MTOR: variants seen among roughly 807,000 people sequenced by gnomAD.
MTOR encodes mechanistic target of rapamycin kinase.
A neutral mutation model predicts 319.8 loss-of-function variants in MTOR; 70 were observed. The ratio of observed to expected loss-of-function variants is 0.22; its 90% confidence interval spans 0.18 to 0.27. The LOEUF is 0.27. Among genes scored for constraint, MTOR ranks in the 10% least tolerant of loss-of-function variants. MTOR has a pLI of 1.00. For synonymous variants in MTOR, 1,183 were observed against 1,211.4 expected (o/e 0.98, Z 0.49); for missense variants, 1,890 against 3,274.4 (o/e 0.58, Z 10.32).
At chr1:11,226,247 C>T (rs1356861132) in intron 19 of MTOR, 1 of 152,022 alleles carries the variant, frequency 6.6e-6, no homozygotes, top group East Asian at 1.9e-4. Flanking sequence ...CTTTATAAAG[C>T]TATCTAGTGC....
At position 11,243,104 on chromosome 1, in the gene MTOR, A is replaced by G. The variant is rs759660864; in HGVS notation, c.1412+10T>C. The G allele has an allele frequency of 6.2e-7, 1 of 1,613,806 alleles. No individual in the cohort carries two copies. Among genetic ancestry groups the G allele is most frequent in the South Asian group, 1.1e-5 (1 of 91,046 alleles). ...GGAGTGGAAGGTGAAATCATAACAG[A>G]GGTGCTTACTTATGGGCGAAGTCCT... On this transcript the variant is annotated intron_variant, in intron 9 of 57. Coordinates refer to ENST00000361445, the MANE Select transcript of MTOR (RefSeq NM_004958.4).
In MTOR at chr1:11,113,004, T is replaced by C. The variant is rs1451507042; in HGVS notation, c.7301-87A>G. On this transcript the variant is annotated intron_variant, in intron 53 of 57. Coordinates refer to ENST00000361445, the MANE Select transcript of MTOR (RefSeq NM_004958.4). ...TTATTTTCTTCCAGTCATAAAAATA[T>C]AATTGTTCGTAAAGCTATAGCCCCA... 6 of 1,373,802 alleles carry C rather than the reference T, an allele frequency of 4.4e-6. No homozygotes were observed. The South Asian group carries it at 4.8e-5, about 11-fold the overall frequency. 85.1% of individuals were successfully genotyped at this position (1,373,802 alleles called of 1,614,324 possible).
At chr1:11,232,349 G>T in intron 16 of MTOR, 87 bp downstream of exon 16, 1 of 918,882 alleles carries the variant, frequency 1.1e-6, no homozygotes, top group Non-Finnish European at 1.7e-6. Context: ...CTAGGCACTG[G>T]GTGAGGACAC....
chr1:11,228,711 G>A lies in MTOR; in HGVS notation c.2987C>T (p.Thr996Met), dbSNP rs376436307. 10 of 1,614,020 alleles carry A rather than the reference G, an allele frequency of 6.2e-6. No individual in the cohort carries two copies. Among genetic ancestry groups the A allele is most frequent in the East Asian group, 2.2e-5 (1 of 44,892 alleles). Residue 996 changes from threonine (T) to methionine (M), a missense_variant, in exon 19 of 58, where the codon ACG becomes ATG. Around this residue, in one of 15 missense-constraint regions of MTOR, gnomAD observed 377 missense variants for 653.9 expected, o/e 0.58. Coordinates refer to ENST00000361445, the MANE Select transcript of MTOR (RefSeq NM_004958.4). ...CVQFLPQVMP[T>M]FLNVIRVCDG... ...ACAGACTCGAATGACGTTAAGGAAC[G>A]TGGGCATGACCTGGGGCAGGAACTG... is the stretch of plus-strand genomic sequence containing the variant.
At chr1:11,204,733 A>G in intron 25 of MTOR, 30 bp from the exon 26 acceptor site, 1 of 1,604,974 alleles carries the variant, frequency 6.2e-7, no homozygotes, top group Non-Finnish European at 8.5e-7. Flanking sequence ...AATGGAAAAC[A>G]ATCAGTTTCA....
chr1:11,144,432 G>C (rs964620676), intron 34 of MTOR: 25 of 519,202 alleles, frequency 4.8e-5, no homozygotes, highest in African/African-American at 4.1e-4. Flanking sequence ...CTAGAGAAGA[G>C]AATAAGAAGA....
chr1:11,146,526 G>A (rs1461633723), intron 32 of MTOR, 150 bp downstream of exon 32: 6 of 646,024 alleles, frequency 9.3e-6, no homozygotes, highest in South Asian at 1.9e-5. Context: ...AGTCTTCTGA[G>A]TACAATGAAT....
chr1:11,219,545 A>C (rs1646588759), intron 19 of MTOR, among the ~76,000 whole-genome samples: 1 of 152,194 alleles, frequency 6.6e-6, no homozygotes, highest in African/African-American at 2.4e-5. Context: ...CAGATTTTCT[A>C]GTATTGCTCC....
intron 54 of MTOR, among the ~76,000 whole-genome samples, chr1:11,110,539 G>C (rs1188861072): frequency 1.3e-5 from 2 of 151,990 alleles, no homozygotes; most frequent in Non-Finnish European, 2.9e-5. Flanking sequence ...TGGGATTACA[G>C]GCATGCGCTA....
Position 11,254,104 on chromosome 1 carries a change from CA to C in MTOR, c.706-132del, listed in dbSNP as rs1166363072. On this transcript the variant is annotated intron_variant, in intron 5 of 57. Transcript: ENST00000361445. ...CTCAGTGCCTAGTGCCAGTCATCAA[CA>C]AAACTAACTGATCAATCTCTTTTAT... 4.0e-6 allele frequency: 4 copies of C among 994,240 alleles called. No individual in the cohort carries two copies. The African/African-American group carries it at 6.5e-5, about 16-fold the overall frequency. The allele number at this position is 994,240 out of a possible 1,614,324, so 61.6% of individuals were successfully genotyped here.
Position 11,112,829 on chromosome 1 carries a change from C to T in MTOR, c.7366+23G>A, listed in dbSNP as rs761642823. On this transcript the variant is annotated intron_variant, in intron 54 of 57. Coordinates refer to ENST00000361445, the MANE Select transcript of MTOR (RefSeq NM_004958.4). The stretch of plus-strand genomic sequence containing the variant: ...CTCTGCACAAGGGGGAGAGCCTTTG[C>T]GACCTCCCGTGGATGCACCTACCGA... 9.3e-6 allele frequency: 15 copies of T among 1,613,212 alleles called. No homozygotes were observed. In the East Asian group the frequency reaches 1.8e-4, roughly 19 times the overall value.
At position 11,194,399 on chromosome 1, in the gene MTOR, T is replaced by C. The variant is rs113399509; in HGVS notation, c.4253+4859A>G. ...TATGGGACTGTCAGGAGAGAAGGGGTATAGAGACAGCATGAAATGGAGCCT... is the reference window on the plus strand; with the variant it reads ...TATGGGACTGTCAGGAGAGAAGGGGCATAGAGACAGCATGAAATGGAGCCT... On this transcript the variant is annotated intron_variant, in intron 28 of 57. Coordinates refer to ENST00000361445, the MANE Select transcript of MTOR (RefSeq NM_004958.4). 1,162 of 1,499,552 alleles carry C rather than the reference T, an allele frequency of 7.7e-4. 7 individuals carry two copies. The African/African-American group carries it at 8.3e-3, about 11-fold the overall frequency. The allele number at this position is 1,499,552 out of a possible 1,614,324, so 92.9% of individuals were successfully genotyped here.
Position 11,139,615 on chromosome 1 carries a change from A to G in MTOR, c.4916T>C (p.Val1639Ala), listed in dbSNP as rs1557766002. ...ATGAGGGCTGACCACAAGGGACCGC[A>G]CCATAAGGATTTTCTGCCAGTCCTC... ...IVEDWQKILMVRSLVVSPHED... is the reference protein window; with the variant it reads ...IVEDWQKILMARSLVVSPHED... The change falls in exon 35 of 58, where the codon GTG becomes GCG. Residue 1639 changes from valine to alanine, a missense_variant. By Grantham distance (64) the Val-to-Ala change is moderately conservative. This residue lies in a region of MTOR where 276 missense variants were observed against 459.4 expected (regional missense o/e 0.60). Transcript: ENST00000361445. 1 of 1,614,030 alleles carries G rather than the reference A, an allele frequency of 6.2e-7. No homozygotes were observed. The highest frequency in any genetic ancestry group is 8.5e-7 in the Non-Finnish European group (1 of 1,180,038).
Position 11,121,182 on chromosome 1 carries a change from A to AG in MTOR, c.6933+63dup. Reference sequence around the variant, plus strand: ...CGCTGTGTGCACATGAACAGATGGGAGGGCCATCCTATTGCGAGTGGGGGT... The same window carrying AG: ...CGCTGTGTGCACATGAACAGATGGGAGGGGCCATCCTATTGCGAGTGGGGGT... On this transcript the variant is annotated intron_variant, in intron 49 of 57. Transcript: ENST00000361445. This position sits in a 1 kb window ranked among gnomAD's most constrained non-coding sequence, Gnocchi z 4.9. 6.3e-7 allele frequency: 1 copy of AG among 1,599,626 alleles called. No homozygotes were observed. The highest frequency in any genetic ancestry group is 8.5e-7 in the Non-Finnish European group (1 of 1,176,110).
At chr1:11,250,399 C>T (rs72633721) in intron 6 of MTOR, among the ~76,000 whole-genome samples, 9,355 of 152,310 alleles carry the variant, frequency 0.061, 391 homozygotes, top group Non-Finnish European at 0.094. Flanking sequence ...ATCCAATGGT[C>T]AATTCTTAGT....
At chr1:11,165,420 A>C (rs1371809397) in intron 29 of MTOR, among the ~76,000 whole-genome samples, 1 of 152,200 alleles carries the variant, frequency 6.6e-6, no homozygotes, top group Non-Finnish European at 1.5e-5. Context: ...ATCAATGTGC[A>C]AAAATCACAA....
intron 29 of MTOR, among the ~76,000 whole-genome samples, chr1:11,161,280 G>T (rs1435378509): frequency 6.6e-6 from 1 of 152,232 alleles, no homozygotes; most frequent in African/African-American, 2.4e-5. Flanking sequence ...TAAACAAAGT[G>T]GCCGGGAAGC....
At chr1:11,253,803 G>A (rs1266746512) in intron 6 of MTOR, 36 bp downstream of exon 6, 15 of 1,613,146 alleles carry the variant, frequency 9.3e-6, no homozygotes, top group Admixed American at 5.0e-5. Context: ...AATGGTACAC[G>A]GGGAGCCTGG....
rs34360677 is a variant in MTOR at position 11,158,850 on chromosome 1, GA to G, written c.4330-1560del. 3.3e-3 allele frequency among the ~76,000 whole-genome samples: 509 copies of G among 152,090 alleles called. 2 individuals are homozygous for G. The highest frequency in any genetic ancestry group is 5.2e-3 in the Non-Finnish European group (353 of 68,026). ...ATATTTTGAATTGCAATAGATTGCA[GA>G]AACTATAAGGTTTAAGCAATGAATC... On this transcript the variant is annotated intron_variant, in intron 29 of 57. Transcript: ENST00000361445.
Sources: gnomAD v4.1 joint callset for allele counts (sites outside exome capture counted in the v4.1 genomes callset) on GRCh38, gnomAD v4.1.1 for gene constraint, gnomAD v4.1.1 regional missense constraint, Gnocchi (gnomAD v3.1) non-coding constraint, MANE v1.5 for transcripts, NCBI Gene and HGNC (gene_info 2026-07-23, HGNC 2026-07-21) for gene names.